The following SLC44A1 variants were observed in gnomAD, a reference collection of about 807,000 sequenced individuals.
SLC44A1 encodes solute carrier family 44 member 1.
A neutral mutation model predicts 79.3 loss-of-function variants in SLC44A1; 26 were observed. That is an observed-to-expected ratio of 0.33 (90% CI 0.24 to 0.46). The LOEUF is 0.46. Among genes scored for constraint, SLC44A1 ranks in the 20% least tolerant of loss-of-function variants. The pLI is 1.00. For missense variants in SLC44A1, 688 were observed against 798.1 expected, an observed-to-expected ratio of 0.86 and a Z score of 1.66; for synonymous variants, 263 against 286.2, an observed-to-expected ratio of 0.92 and a Z score of 0.82.
chr9:105,393,132 T>G lies in SLC44A1; in HGVS notation c.*4076T>G, dbSNP rs1225389607. The stretch of plus-strand genomic sequence containing the variant: ...TCTGTGAATGTATATTGAAAAAATG[T>G]GGGTTCATAAGTAAAAGCGTAACGC... On this transcript the variant is annotated 3_prime_UTR_variant, in exon 16 of 16. Coordinates refer to ENST00000374720, the MANE Select transcript of SLC44A1 (RefSeq NM_080546.5). 4 of 985,338 alleles carry G rather than the reference T, an allele frequency of 4.1e-6. No individual in the cohort carries two copies. The South Asian group carries it at 1.9e-4, about 46-fold the overall frequency. The allele number at this position is 985,338 out of a possible 1,614,324, so 61.0% of individuals were successfully genotyped here. A position where few individuals can be genotyped will look rare whatever the true frequency, so the allele number is the denominator to read the frequency against.
intron 8 of SLC44A1, among the ~76,000 whole-genome samples, chr9:105,362,056 G>C (rs1827797106): frequency 6.6e-6 from 1 of 151,974 alleles, no homozygotes; most frequent in South Asian, 2.1e-4. Context: ...GTGTGTGCGT[G>C]TGTGTGCGCG....
Position 105,247,001 on chromosome 9 carries a change from C to T in SLC44A1, c.36+2097C>T, listed in dbSNP as rs572815841. ...CCTGTGGATTCCTATAACCAATCAA[C>T]AGCTGTCACATGCTTTTAAGTTCAG... is the stretch of plus-strand genomic sequence containing the variant. On this transcript the variant is annotated intron_variant, in intron 1 of 15. Coordinates refer to ENST00000374720, the MANE Select transcript of SLC44A1 (RefSeq NM_080546.5). Among the ~76,000 whole-genome samples, 8 of 152,240 alleles carry T rather than the reference C, an allele frequency of 5.3e-5. No homozygotes were observed. The East Asian group carries it at 1.5e-3, about 29-fold the overall frequency.
At chr9:105,282,811 G>A (rs1294991772) in intron 1 of SLC44A1, among the ~76,000 whole-genome samples, 1 of 152,196 alleles carries the variant, frequency 6.6e-6, no homozygotes, top group Non-Finnish European at 1.5e-5. Flanking sequence ...CTCCCAAAGT[G>A]CTGGGATTAC....
intron 1 of SLC44A1, among the ~76,000 whole-genome samples, chr9:105,264,339 A>C (rs1366747788): frequency 1.3e-5 from 2 of 151,924 alleles, no homozygotes; most frequent in African/African-American, 2.4e-5. Flanking sequence ...GATTTTTAAA[A>C]ATTATTTTGT....
chr9:105,252,286 G>A (rs554676567), intron 1 of SLC44A1, among the ~76,000 whole-genome samples: 16 of 152,190 alleles, frequency 1.1e-4, no homozygotes, highest in African/African-American at 3.4e-4. Context: ...GAGAGGGGCC[G>A]TGTTTGCTTT....
intron 12 of SLC44A1, among the ~76,000 whole-genome samples, chr9:105,372,702 G>C (rs1314180121): frequency 5.3e-5 from 8 of 150,360 alleles, no homozygotes; most frequent in Admixed American, 4.6e-4. Context: ...TGTAATCCCA[G>C]CACTTTGGGA....
In SLC44A1 at chr9:105,309,766, A is replaced by G; in HGVS notation, c.169A>G (p.Arg57Gly). ...GFSIATGAAA[R>G]LVSGYDSYGN... ...TTCAATAGCAACAGGTGCAGCAGCA[A>G]GACTAGTGTCAGGATACGACAGCTA... Residue 57 changes from arginine to glycine, a missense_variant, in exon 3 of 16, where the codon AGA (arginine) becomes GGA (glycine). Coordinates refer to ENST00000374720, the MANE Select transcript of SLC44A1 (RefSeq NM_080546.5). 1 of 1,613,972 alleles carries G rather than the reference A, an allele frequency of 6.2e-7. No individual in the cohort carries two copies. The highest frequency in any genetic ancestry group is 8.5e-7 in the Non-Finnish European group (1 of 1,179,860).
chr9:105,438,233 A>T lies in SLC44A1; in HGVS notation c.1951-48A>T, dbSNP rs1003426725. On this transcript the variant is annotated intron_variant, in intron 15 of 15. Coordinates refer to the SLC44A1 transcript ENST00000374724. ...GTTATTGATTACTTCTCATTGTGTC[A>T]TGTTCCCCTAGGACAGAAGCATTCA... 5 of 1,521,718 alleles carry T rather than the reference A, an allele frequency of 3.3e-6. No individual in the cohort carries two copies. In the African/African-American group the frequency reaches 6.9e-5, roughly 21 times the overall value. 94.3% of individuals were successfully genotyped at this position (1,521,718 alleles called of 1,614,324 possible).
Position 105,335,631 on chromosome 9 carries a change from G to GTGT in SLC44A1, c.339_341dup (p.Val114dup). 3.7e-6 allele frequency: 6 copies of GTGT among 1,613,726 alleles called. No homozygotes were observed. Among genetic ancestry groups the GTGT allele is most frequent in the Non-Finnish European group, 5.1e-6 (6 of 1,179,690 alleles). On this transcript the variant is annotated inframe_insertion, in exon 4 of 16. Transcript: ENST00000374720. ...CGGAAGATTAAGTCTGTAGCACTGT[G>GTGT]TGTAGCAGCGTGTCCAAGGCAAGAA...
downstream of SLC44A1, among the ~76,000 whole-genome samples, chr9:105,400,844 A>G (rs1055188993): frequency 3.3e-5 from 5 of 152,204 alleles, no homozygotes; most frequent in Admixed American, 6.5e-5. Flanking sequence ...AAGGTATTCA[A>G]CTTTTCAAAG....
Position 105,396,874 on chromosome 9 carries a change from T to G in SLC44A1, c.*7818T>G, listed in dbSNP as rs769955039. On this transcript the variant is annotated 3_prime_UTR_variant, in exon 16 of 16. Transcript: ENST00000374720. ...TCATTTACCTTACCATTATTTTGGA[T>G]TTTTTTCTTATTACAGTGTCACTAC... 105 of 985,130 alleles carry G rather than the reference T, an allele frequency of 1.1e-4. No homozygotes were observed. The highest frequency in any genetic ancestry group is 1.2e-4 in the Non-Finnish European group (103 of 829,814). The allele number at this position is 985,130 out of a possible 1,614,324, so 61.0% of individuals were successfully genotyped here.
intron 2 of SLC44A1, among the ~76,000 whole-genome samples, chr9:105,303,378 C>T (rs1384164958): frequency 6.6e-6 from 1 of 151,764 alleles, no homozygotes; most frequent in Non-Finnish European, 1.5e-5. Flanking sequence ...TGAAATCTGC[C>T]CAGATTAGCT....
At chr9:105,253,110 A>G (rs1829628066) in intron 1 of SLC44A1, among the ~76,000 whole-genome samples, 1 of 152,126 alleles carries the variant, frequency 6.6e-6, no homozygotes, top group Non-Finnish European at 1.5e-5. Flanking sequence ...CCTTTTAGTT[A>G]CTCTCTACAA....
intron 15 of SLC44A1, among the ~76,000 whole-genome samples, chr9:105,426,829 A>G (rs1829327849): frequency 6.6e-6 from 1 of 152,220 alleles, no homozygotes; most frequent in Admixed American, 6.5e-5. Context: ...CAACCAAGTA[A>G]AAAATATAAC....
chr9:105,335,503 T>C (rs917200088), intron 3 of SLC44A1, 60 bp from the exon 4 acceptor site: 1 of 1,376,190 alleles, frequency 7.3e-7, no homozygotes, highest in Non-Finnish European at 1.0e-6. Context: ...TAGTCAAATA[T>C]GCAGGGACCC....
At chr9:105,375,848 C>T (rs1355306287) in intron 13 of SLC44A1, among the ~76,000 whole-genome samples, 1 of 152,080 alleles carries the variant, frequency 6.6e-6, no homozygotes, top group Non-Finnish European at 1.5e-5. Context: ...AAGAGAAAGG[C>T]TTATACTACC....
intron 1 of SLC44A1, among the ~76,000 whole-genome samples, chr9:105,271,740 G>A (rs1830082859): frequency 6.6e-6 from 1 of 151,962 alleles, no homozygotes; most frequent in Admixed American, 6.6e-5. Flanking sequence ...CAGCCTCCCA[G>A]GTAGCTGGGA....
intron 15 of SLC44A1, among the ~76,000 whole-genome samples, chr9:105,414,161 C>T (rs762461075): frequency 5.3e-5 from 8 of 151,484 alleles, no homozygotes; most frequent in Non-Finnish European, 1.0e-4. Context: ...CTCCCGGGTT[C>T]GAGCAATTTT....
In SLC44A1 at chr9:105,288,257, T is replaced by G. The variant is rs78782671; in HGVS notation, c.37-10963T>G. Among the ~76,000 whole-genome samples, 395 of 150,200 alleles carry G rather than the reference T, an allele frequency of 2.6e-3. 1 individual carries two copies. Among genetic ancestry groups the G allele is most frequent in the African/African-American group, 8.7e-3 (347 of 39,700 alleles). The stretch of plus-strand genomic sequence containing the variant: ...TGACTTTAATATCCCAGTTGTAGAT[T>G]TATTTTCTATTATTGGATAGTTAAT... On this transcript the variant is annotated intron_variant, in intron 1 of 15. Transcript: ENST00000374720.
Sources: allele counts gnomAD v4.1 joint callset (sites outside exome capture counted in the v4.1 genomes callset), GRCh38; gene constraint gnomAD v4.1.1; transcripts MANE v1.5; gene names NCBI Gene and HGNC (gene_info 2026-07-23, HGNC 2026-07-21).